Variants in MALRD1 observed in about 807,000 individuals in gnomAD.
The protein encoded by MALRD1 is MAM and LDL-receptor class A domain-containing protein 1.
A neutral mutation model predicts 242.1 loss-of-function variants in MALRD1; 247 were observed. The ratio of observed to expected loss-of-function variants is 1.02; its 90% CI spans 0.92 to 1.13. The LOEUF (loss-of-function observed/expected upper bound fraction) is 1.13, where lower values mean the gene tolerates loss of function less well. MALRD1 is among the 50% of genes most tolerant of loss of function. The pLI, the probability that MALRD1 is intolerant of heterozygous loss-of-function variation, is 0.00. For missense variants in MALRD1, 2,989 were observed against 2,533.1 expected (o/e 1.18, Z -3.86); for synonymous variants, 995 against 866.6 (o/e 1.15, Z -2.60).
chr10:19,327,472 A>G (rs1387900391), intron 22 of MALRD1, 91 bp from the exon 23 acceptor site: 2 of 206,028 alleles, frequency 9.7e-6, no homozygotes, highest in Non-Finnish European at 1.7e-5. Context: ...TATTGCAACT[A>G]AAAAAAAAAA....
At chr10:19,678,980 C>T (rs532460574) in intron 36 of MALRD1, among the ~76,000 whole-genome samples, 1 of 152,258 alleles carries the variant, frequency 6.6e-6, no homozygotes, top group African/African-American at 2.4e-5. Flanking sequence ...ATATGTTGAA[C>T]CAGCCTTGCA....
At chr10:19,233,020 T>TTA (rs1337560377) in intron 18 of MALRD1, among the ~76,000 whole-genome samples, 1 of 152,208 alleles carries the variant, frequency 6.6e-6, no homozygotes, top group Non-Finnish European at 1.5e-5. Flanking sequence ...ATAAGGTTGC[T>TTA]TAATTAAAAA....
intron 5 of MALRD1, among the ~76,000 whole-genome samples, chr10:19,107,522 T>A (rs1031191875): frequency 6.6e-6 from 1 of 151,844 alleles, no homozygotes; most frequent in African/African-American, 2.4e-5. Context: ...TATGGGTATT[T>A]TACAGGTGAT....
At chr10:19,072,912 T>TA (rs967428980) in intron 2 of MALRD1, among the ~76,000 whole-genome samples, 5 of 151,556 alleles carry the variant, frequency 3.3e-5, no homozygotes, top group Admixed American at 1.3e-4. Flanking sequence ...TCACTTACCT[T>TA]CCCCCCCTTT....
At chr10:19,440,691 G>T (rs1414468778) in intron 28 of MALRD1, among the ~76,000 whole-genome samples, 3 of 152,068 alleles carry the variant, frequency 2.0e-5, no homozygotes, top group Non-Finnish European at 2.9e-5. Flanking sequence ...TTTTATCACT[G>T]CATAGTATTC....
intron 33 of MALRD1, among the ~76,000 whole-genome samples, chr10:19,568,825 A>G (rs1021781391): frequency 8.5e-5 from 13 of 152,162 alleles, no homozygotes; most frequent in Non-Finnish European, 1.6e-4. Flanking sequence ...TTTGAATTCT[A>G]TTATGTTCTA....
chr10:19,216,381 G>A (rs774214227), intron 18 of MALRD1, among the ~76,000 whole-genome samples: 18 of 151,614 alleles, frequency 1.2e-4, no homozygotes, highest in African/African-American at 3.1e-4. Flanking sequence ...CTCCCAAAGC[G>A]CTGGGATTAA....
intron 18 of MALRD1, among the ~76,000 whole-genome samples, chr10:19,227,889 G>A (rs1048260472): frequency 6.6e-6 from 1 of 152,112 alleles, no homozygotes; most frequent in Non-Finnish European, 1.5e-5. Context: ...TGTCATCAGG[G>A]AAATGCAAGT....
At chr10:19,324,215 A>C in intron 22 of MALRD1, 110 bp downstream of exon 22, 8 of 1,058,790 alleles carry the variant, frequency 7.6e-6, no homozygotes, top group Non-Finnish European at 9.5e-6. Context: ...GACAATTACC[A>C]ACACTTCACT....
intron 33 of MALRD1, among the ~76,000 whole-genome samples, chr10:19,581,424 G>C (rs957229161): frequency 1.4e-5 from 2 of 145,090 alleles, no homozygotes; most frequent in African/African-American, 5.1e-5. Flanking sequence ...CTGTGTCCAT[G>C]TGTTCTCATT....
At chr10:19,632,721 G>A (rs1165227850) in intron 36 of MALRD1, among the ~76,000 whole-genome samples, 2 of 151,946 alleles carry the variant, frequency 1.3e-5, no homozygotes, top group African/African-American at 2.4e-5. Flanking sequence ...AAAAGACAGG[G>A]CAGAAAAACA....
In MALRD1 at chr10:19,274,243, T is replaced by G. The variant is rs375213198; in HGVS notation, c.3080-5804T>G. ...AACCCAAATGTCTATTAACAGATGA[T>G]TGGATAAAGAAAATGTGGTATATAC... On this transcript the variant is annotated intron_variant, in intron 19 of 39. Coordinates refer to ENST00000454679, the MANE Select transcript of MALRD1 (RefSeq NM_001142308.3). Among the ~76,000 whole-genome samples, 240 of 152,190 alleles carry G rather than the reference T, an allele frequency of 1.6e-3. 2 individuals are homozygous for G. The highest frequency in any genetic ancestry group is 5.6e-3 in the African/African-American group (234 of 41,522).
At chr10:19,199,196 G>A (rs1298061835) in intron 14 of MALRD1, among the ~76,000 whole-genome samples, 2 of 152,162 alleles carry the variant, frequency 1.3e-5, no homozygotes, top group Admixed American at 1.3e-4. Flanking sequence ...AAAGGAACAA[G>A]AAGAGTCAAT....
intron 31 of MALRD1, among the ~76,000 whole-genome samples, chr10:19,515,726 A>T (rs1202222278): frequency 4.0e-5 from 6 of 151,484 alleles, no homozygotes; most frequent in African/African-American, 9.7e-5. Flanking sequence ...CGCCTGGCTA[A>T]TTTTTTTTCT....
In MALRD1 at chr10:19,271,140, G is replaced by A. The variant is rs529714316; in HGVS notation, c.3080-8907G>A. Among the ~76,000 whole-genome samples the A allele has an allele frequency of 3.3e-5, 5 of 152,094 alleles. No individual in the cohort carries two copies. In the South Asian group the frequency reaches 8.3e-4, roughly 25 times the overall value. On this transcript the variant is annotated intron_variant, in intron 19 of 39. Transcript: ENST00000454679. ...GCAATTCCGTTTCTAGATACATAAGGAGAAATGTACAAAATGAGAAAACAA... is the reference window on the plus strand; with the variant it reads ...GCAATTCCGTTTCTAGATACATAAGAAGAAATGTACAAAATGAGAAAACAA...
intron 29 of MALRD1, among the ~76,000 whole-genome samples, chr10:19,454,405 G>GAGATAT (rs1554775338): frequency 1.2e-5 from 1 of 80,558 alleles, no homozygotes; most frequent in African/African-American, 5.5e-5. Context: ...TTATGCATAT[G>GAGATAT]ATATATATAT....
chr10:19,573,611 A>G (rs186783657), intron 33 of MALRD1, among the ~76,000 whole-genome samples: 1 of 152,222 alleles, frequency 6.6e-6, no homozygotes, highest in African/African-American at 2.4e-5. Context: ...AATTTTCCTT[A>G]CGCTTACTAC....
intron 4 of MALRD1, among the ~76,000 whole-genome samples, chr10:19,099,176 G>C (rs926050311): frequency 1.3e-5 from 2 of 152,084 alleles, no homozygotes; most frequent in Non-Finnish European, 2.9e-5. Flanking sequence ...GCATTCACCC[G>C]TGCAAGCTTC....
intron 28 of MALRD1, among the ~76,000 whole-genome samples, chr10:19,416,321 T>C (rs137901111): frequency 6.6e-6 from 1 of 152,176 alleles, no homozygotes; most frequent in Admixed American, 6.5e-5. Context: ...ATGTGATTTG[T>C]TGTTATCAGC....
Sources: allele counts gnomAD v4.1 joint callset (sites outside exome capture counted in the v4.1 genomes callset), GRCh38; gene constraint gnomAD v4.1.1; transcripts MANE v1.5; gene names NCBI Gene and HGNC (gene_info 2026-07-23, HGNC 2026-07-21).